The following TRHDE variants were observed in gnomAD, a reference collection of about 807,000 sequenced individuals.
TRHDE encodes the protein thyrotropin releasing hormone degrading enzyme, also known as thyrotropin-releasing hormone-degrading ectoenzyme.
Under a neutral mutation model 125.7 loss-of-function variants are expected in TRHDE, and 72 were observed. That is an observed-to-expected ratio of 0.57 (90% confidence interval 0.47 to 0.70). TRHDE has a LOEUF of 0.70. Among genes scored for constraint, TRHDE ranks in the 30% least tolerant of loss-of-function variants. The probability of loss-of-function intolerance (pLI) is 0.00; values close to 1 mark genes in which losing one functional copy is unlikely to be tolerated. For missense variants in TRHDE, 1,110 were observed against 1,327.1 expected (o/e 0.84, Z 2.54); for synonymous variants, 509 against 509.1 (o/e 1.00, Z 0.00).
At chr12:72,500,365 G>A (rs575860481) in intron 6 of TRHDE, among the ~76,000 whole-genome samples, 72 of 152,010 alleles carry the variant, frequency 4.7e-4, no homozygotes, top group African/African-American at 1.6e-3. Context: ...TTTAGTGTAG[G>A]TTAAATTGCA....
chr12:72,150,765 A>G lies in TRHDE; in HGVS notation n.279+45013A>G, dbSNP rs568737469. 1.8e-4 allele frequency among the ~76,000 whole-genome samples: 27 copies of G among 152,100 alleles called. No homozygotes were observed. The East Asian group carries it at 4.8e-3, about 27-fold the overall frequency. On this transcript the variant is annotated intron_variant and non_coding_transcript_variant, in intron 2 of 4. Transcript: ENST00000548156. The stretch of plus-strand genomic sequence containing the variant: ...ATGGCTGCATAGTATTCCATGGTGT[A>G]TATGTGCCACATTTTCTTAATCCAG...
chr12:72,276,988 G>C (rs1327152305), intron 1 of TRHDE, among the ~76,000 whole-genome samples: 2 of 152,130 alleles, frequency 1.3e-5, no homozygotes, highest in African/African-American at 4.8e-5. Flanking sequence ...GTTCAAAGTA[G>C]GGTACCTTAA....
intron 3 of TRHDE, among the ~76,000 whole-genome samples, chr12:72,411,464 A>G (rs1197002506): frequency 6.6e-6 from 1 of 152,060 alleles, no homozygotes; most frequent in African/African-American, 2.4e-5. Flanking sequence ...TGTGGAAAAA[A>G]TATAAAAATT....
rs1458412266 is a variant in TRHDE at position 72,518,570 on chromosome 12, G to A, written c.1722+18935G>A. The stretch of plus-strand genomic sequence containing the variant: ...ATGTGAGATGGGTTTCCTGAATACA[G>A]CACACTGATGGGTCTTGACTCTTTA... On this transcript the variant is annotated intron_variant, in intron 6 of 18. Coordinates refer to ENST00000261180, the MANE Select transcript of TRHDE (RefSeq NM_013381.3). Among the ~76,000 whole-genome samples, 6 of 152,234 alleles carry A rather than the reference G, an allele frequency of 3.9e-5. No homozygotes were observed. In the East Asian group the frequency reaches 7.7e-4, roughly 20 times the overall value.
chr12:72,351,159 G>A (rs11609937), intron 2 of TRHDE, among the ~76,000 whole-genome samples: 55,507 of 151,808 alleles, frequency 0.37, 10,346 homozygotes, highest in Admixed American at 0.39. Flanking sequence ...TAAGAGTGAA[G>A]CTCTGGGAAG....
At chr12:72,538,349 G>T (rs539090534) in intron 6 of TRHDE, among the ~76,000 whole-genome samples, 1 of 151,974 alleles carries the variant, frequency 6.6e-6, no homozygotes, top group South Asian at 2.1e-4. Flanking sequence ...CTTATACCCA[G>T]TTTGCCTTCT....
At chr12:72,430,371 G>GTGTA (rs1874410091) in intron 3 of TRHDE, among the ~76,000 whole-genome samples, 1 of 134,988 alleles carries the variant, frequency 7.4e-6, no homozygotes, top group Non-Finnish European at 1.6e-5. Flanking sequence ...ACATATATAC[G>GTGTA]TATATATACA....
Position 72,168,334 on chromosome 12 carries a change from T to G in TRHDE, n.279+62582T>G, listed in dbSNP as rs74696559. ...AGATGATACCAATCAGAAGCATCTT[T>G]TTGTATGTGATAGATTTATTATTAA... On this transcript the variant is annotated intron_variant and non_coding_transcript_variant, in intron 2 of 4. Transcript: ENST00000548156. 2.9e-4 allele frequency among the ~76,000 whole-genome samples: 44 copies of G among 152,292 alleles called. 1 individual carries two copies. In the East Asian group the frequency reaches 8.5e-3, roughly 29 times the overall value.
In TRHDE at chr12:72,663,734, A is replaced by C. The variant is rs1875009635; in HGVS notation, c.*539A>C. The C allele has an allele frequency of 6.6e-6, 1 of 152,654 alleles. No homozygotes were observed. Among genetic ancestry groups the C allele is most frequent in the Non-Finnish European group, 1.5e-5 (1 of 68,010 alleles). 9.5% of individuals were successfully genotyped at this position (152,654 alleles called of 1,614,324 possible). On this transcript the variant is annotated 3_prime_UTR_variant, in exon 19 of 19. Coordinates refer to ENST00000261180, the MANE Select transcript of TRHDE (RefSeq NM_013381.3). ...TCAATTTTGGGCAATGTGAGAGGTA[A>C]AATAGCCCTTGACATGATGAACATC...
At chr12:72,138,052 T>C (rs1345594864) in intron 2 of TRHDE, among the ~76,000 whole-genome samples, 1 of 152,046 alleles carries the variant, frequency 6.6e-6, no homozygotes, top group Non-Finnish European at 1.5e-5. Context: ...AATCAGAATA[T>C]CTCAGAATGG....
At chr12:72,595,824 G>GT (rs1871914949) in intron 12 of TRHDE, among the ~76,000 whole-genome samples, 1 of 152,100 alleles carries the variant, frequency 6.6e-6, no homozygotes, top group South Asian at 2.1e-4. Flanking sequence ...CTTAGGCCCA[G>GT]TGAGTGTTTA....
At chr12:72,126,767 AC>A (rs1211718704) in intron 2 of TRHDE, among the ~76,000 whole-genome samples, 1 of 152,196 alleles carries the variant, frequency 6.6e-6, no homozygotes, top group East Asian at 1.9e-4. Context: ...CCCAGGAAAC[AC>A]CACTCTGGAC....
chr12:72,231,437 A>T (rs540179650), intron 2 of TRHDE, among the ~76,000 whole-genome samples: 1 of 152,126 alleles, frequency 6.6e-6, no homozygotes, highest in South Asian at 2.1e-4. Flanking sequence ...GCTTGATAAG[A>T]GTTCTGTTGT....
upstream of TRHDE, among the ~76,000 whole-genome samples, chr12:72,271,425 GGT>G (rs1260258207): frequency 6.6e-6 from 1 of 152,066 alleles, no homozygotes; most frequent in Non-Finnish European, 1.5e-5. Flanking sequence ...CCTGGAGCGC[GGT>G]GGGGCTAAGG....
intron 2 of TRHDE, among the ~76,000 whole-genome samples, chr12:72,356,474 A>T (rs143702276): frequency 3.6e-4 from 54 of 151,476 alleles, no homozygotes; most frequent in African/African-American, 1.3e-3. Flanking sequence ...ATGTACAGCA[A>T]ACCCCTGTGA....
rs1289835593 is a variant in TRHDE, at chr12:72,409,911, C to T, written c.1315+31790C>T. On this transcript the variant is annotated intron_variant, in intron 3 of 18. Coordinates refer to ENST00000261180, the MANE Select transcript of TRHDE (RefSeq NM_013381.3). The stretch of plus-strand genomic sequence containing the variant: ...AATATAATTCAAGTGTTTGAAGGTC[C>T]TTGCATTATCCAGGAATAGGGCAGC... Among the ~76,000 whole-genome samples the T allele has an allele frequency of 3.3e-5, 5 of 152,074 alleles. No homozygotes were observed. The East Asian group carries it at 7.7e-4, about 23-fold the overall frequency.
intron 3 of TRHDE, among the ~76,000 whole-genome samples, chr12:72,450,651 T>G (rs1306866054): frequency 2.0e-5 from 3 of 152,140 alleles, no homozygotes; most frequent in Non-Finnish European, 4.4e-5. Context: ...CCTTTGGAGA[T>G]AGACCCATAA....
chr12:72,628,726 T>C (rs1873360733), intron 15 of TRHDE, among the ~76,000 whole-genome samples: 1 of 151,904 alleles, frequency 6.6e-6, no homozygotes, highest in South Asian at 2.1e-4. Flanking sequence ...ATTTATCCTA[T>C]TGTGAATTCT....
chr12:72,592,157 G>A (rs1871713123), intron 12 of TRHDE, among the ~76,000 whole-genome samples: 2 of 151,708 alleles, frequency 1.3e-5, no homozygotes, highest in South Asian at 2.1e-4. Context: ...CCTTCTCCCT[G>A]GTATTCTTTG....
Sources: gnomAD v4.1 joint callset for allele counts (sites outside exome capture counted in the v4.1 genomes callset) on GRCh38, gnomAD v4.1.1 for gene constraint, MANE v1.5 for transcripts, NCBI Gene and HGNC (gene_info 2026-07-23, HGNC 2026-07-21) for gene names.